Variants in LYPLAL1 observed in about 807,000 individuals in gnomAD.
The protein encoded by LYPLAL1 is lysophospholipase like 1, also known as lysophospholipase-like protein 1.
Under a neutral mutation model 19.7 loss-of-function variants are expected in LYPLAL1, and 23 were observed. The ratio of observed to expected loss-of-function variants is 1.17; its 90% CI spans 0.84 to 1.65. The LOEUF (loss-of-function observed/expected upper bound fraction) is 1.65. Ranked by LOEUF, LYPLAL1 falls within the 40% of genes most tolerant of loss-of-function variation. LYPLAL1 has a pLI of 0.00. For synonymous variants in LYPLAL1, 119 were observed against 96.3 expected (o/e 1.24, Z -1.38); for missense variants, 355 against 279.4 (o/e 1.27, Z -1.93).
chr1:219,325,601 G>A, the LYPLAL1 span, among the ~76,000 whole-genome samples: 1 of 152,302 alleles, frequency 6.6e-6, no homozygotes, highest in Admixed American at 6.5e-5. Flanking sequence ...ACAATGGGTT[G>A]TAGCTTGTAA....
At chr1:219,262,410 G>A in the LYPLAL1 span, among the ~76,000 whole-genome samples, 1 of 152,040 alleles carries the variant, frequency 6.6e-6, no homozygotes, top group African/African-American at 2.4e-5. Flanking sequence ...ATAAAACCTT[G>A]TTTCATCATA....
At chr1:219,214,688 C>CT (rs11477665), downstream of LYPLAL1, among the ~76,000 whole-genome samples, 15 of 90,374 alleles carry the variant, frequency 1.7e-4, no homozygotes, top group South Asian at 7.5e-4. Flanking sequence ...TTTTTCTTTT[C>CT]TTTTTTTTTT....
the LYPLAL1 span, among the ~76,000 whole-genome samples, chr1:219,406,041 G>A: frequency 6.6e-6 from 1 of 152,138 alleles, no homozygotes; most frequent in South Asian, 2.1e-4. Context: ...ACATTAGCCA[G>A]CTCTGCATGT....
chr1:219,258,579 A>G, the LYPLAL1 span, among the ~76,000 whole-genome samples: 21 of 152,056 alleles, frequency 1.4e-4, no homozygotes, highest in Admixed American at 5.3e-4. Flanking sequence ...AAATTGTTGA[A>G]TCTTGACAGT....
the LYPLAL1 span, among the ~76,000 whole-genome samples, chr1:219,344,181 C>T: frequency 6.6e-6 from 1 of 152,086 alleles, no homozygotes; most frequent in Admixed American, 6.6e-5. Context: ...CATTGGTAAA[C>T]TCACTGTAGT....
At chr1:219,383,366 G>A in the LYPLAL1 span, among the ~76,000 whole-genome samples, 4 of 152,336 alleles carry the variant, frequency 2.6e-5, no homozygotes, top group South Asian at 8.3e-4. Flanking sequence ...TTGGACTTGT[G>A]ATAAATGAGA....
the LYPLAL1 span, among the ~76,000 whole-genome samples, chr1:219,230,187 A>C: frequency 2.6e-4 from 39 of 152,184 alleles, 1 homozygote; most frequent in Admixed American, 2.6e-3. Flanking sequence ...ATCTCAGCTC[A>C]CTGCAACCTC....
chr1:219,327,195 A>G, the LYPLAL1 span, among the ~76,000 whole-genome samples: 2 of 152,186 alleles, frequency 1.3e-5, no homozygotes, highest in Non-Finnish European at 2.9e-5. Flanking sequence ...GCCAGCCTTG[A>G]CTTCACCAAC....
At chr1:219,363,063 T>A in the LYPLAL1 span, among the ~76,000 whole-genome samples, 1 of 152,194 alleles carries the variant, frequency 6.6e-6, no homozygotes, top group Non-Finnish European at 1.5e-5. Flanking sequence ...TTCATTGTTT[T>A]TAAAAATCAA....
chr1:219,298,673 CAAAACATTTCA>C, the LYPLAL1 span, among the ~76,000 whole-genome samples: 1 of 152,172 alleles, frequency 6.6e-6, no homozygotes, highest in Non-Finnish European at 1.5e-5. Context: ...TGAATATCCT[CAAAACATTTCA>C]AAAGAGAGGA....
the LYPLAL1 span, among the ~76,000 whole-genome samples, chr1:219,291,163 G>T: frequency 1.3e-5 from 2 of 152,064 alleles, no homozygotes; most frequent in African/African-American, 4.8e-5. Flanking sequence ...TTCATACAAT[G>T]GTGTTTGTTG....
the LYPLAL1 span, among the ~76,000 whole-genome samples, chr1:219,418,172 C>CA: frequency 2.0e-5 from 3 of 152,064 alleles, no homozygotes; most frequent in Non-Finnish European, 2.9e-5. Context: ...GTTAAAACCT[C>CA]GAAAAAAGTT....
At chr1:219,362,725 T>C in the LYPLAL1 span, among the ~76,000 whole-genome samples, 17 of 152,028 alleles carry the variant, frequency 1.1e-4, no homozygotes, top group Admixed American at 6.6e-4. Flanking sequence ...GTGTAAGACG[T>C]TTGCAGTCCT....
the LYPLAL1 span, among the ~76,000 whole-genome samples, chr1:219,422,085 T>C: frequency 3.9e-5 from 6 of 152,300 alleles, no homozygotes; most frequent in African/African-American, 1.2e-4. Flanking sequence ...CACATACCAT[T>C]TTTTCCCAAG....
At chr1:219,290,742 T>C in the LYPLAL1 span, among the ~76,000 whole-genome samples, 2 of 152,172 alleles carry the variant, frequency 1.3e-5, no homozygotes, top group Non-Finnish European at 2.9e-5. Flanking sequence ...CCCAAATTCT[T>C]TCTTGAGCGA....
At chr1:219,230,353 C>G in the LYPLAL1 span, among the ~76,000 whole-genome samples, 1 of 152,162 alleles carries the variant, frequency 6.6e-6, no homozygotes, top group East Asian at 1.9e-4. Flanking sequence ...CCTTGTGATC[C>G]GCCTACCTCG....
the LYPLAL1 span, among the ~76,000 whole-genome samples, chr1:219,255,210 C>CTTTTTTTTTTTT: frequency 6.6e-6 from 1 of 151,566 alleles, no homozygotes; most frequent in Admixed American, 6.6e-5. Context: ...ATTATAATAA[C>CTTTTTTTTTTTT]TTTTATTTTT....
chr1:219,431,519 C>T, the LYPLAL1 span, among the ~76,000 whole-genome samples: 195 of 152,310 alleles, frequency 1.3e-3, no homozygotes, highest in African/African-American at 4.5e-3. Flanking sequence ...GTCTTCAGAC[C>T]TTGGGCTCTG....
the LYPLAL1 span, among the ~76,000 whole-genome samples, chr1:219,308,493 G>A: frequency 6.6e-6 from 1 of 152,204 alleles, no homozygotes; most frequent in Non-Finnish European, 1.5e-5. Context: ...CAGACCCAGA[G>A]GTCTAGGAGG....
Sources: gnomAD v4.1 joint callset for allele counts (sites outside exome capture counted in the v4.1 genomes callset) on GRCh38, gnomAD v4.1.1 for gene constraint, MANE v1.5 for transcripts, NCBI Gene and HGNC (gene_info 2026-07-23, HGNC 2026-07-21) for gene names.